Variants in TTLL11 observed in about 807,000 individuals in gnomAD.
The protein encoded by TTLL11 is tubulin polyglutamylase TTLL11.
A neutral mutation model predicts 51.7 loss-of-function variants in TTLL11; 42 were observed. The observed-to-expected ratio is 0.81, with a 90% CI of 0.64 to 1.05. TTLL11 has a LOEUF of 1.05. Ranked by LOEUF, TTLL11 falls within the 50% of genes least tolerant of loss-of-function variation. The pLI is 0.00. For synonymous variants in TTLL11, 381 were observed against 383.5 expected (o/e 0.99, Z 0.08); for missense variants, 799 against 940.4 (o/e 0.85, Z 1.97).
chr9:121,841,564 G>A (rs999610802), intron 8 of TTLL11, among the ~76,000 whole-genome samples: 2 of 152,176 alleles, frequency 1.3e-5, no homozygotes, highest in African/African-American at 4.8e-5. Flanking sequence ...TGGAACAGAC[G>A]AGGTGAGCTC....
intron 6 of TTLL11, among the ~76,000 whole-genome samples, chr9:121,875,640 T>C (rs534232083): frequency 9.8e-5 from 15 of 152,344 alleles, no homozygotes; most frequent in Admixed American, 5.2e-4. Context: ...AATGGTATCT[T>C]TGCTGGAGAT....
In TTLL11 at chr9:121,978,449, CTTTATTTA is replaced by C. The variant is rs143223546; in HGVS notation, c.1270-3478_1270-3471del. Among the ~76,000 whole-genome samples, 1,375 of 148,318 alleles carry C rather than the reference CTTTATTTA, an allele frequency of 9.3e-3. 7 individuals carry two copies. The highest frequency in any genetic ancestry group is 0.013 in the Non-Finnish European group (839 of 66,918). On this transcript the variant is annotated intron_variant, in intron 4 of 8. Coordinates refer to ENST00000321582, the MANE Select transcript of TTLL11 (RefSeq NM_001139442.2). ...TAAACTGGGGTTCCCAAGGAAAAAG[CTTTATTTA>C]TTTATTTATTTATTTATTTATTTAT...
intron 6 of TTLL11, among the ~76,000 whole-genome samples, chr9:121,967,474 C>T (rs1453279805): frequency 6.6e-6 from 1 of 152,070 alleles, no homozygotes; most frequent in African/African-American, 2.4e-5. Flanking sequence ...CCACCCGCTT[C>T]GGCCTCCCAA....
intron 4 of TTLL11, 113 bp from the exon 5 acceptor site, chr9:121,975,092 TTC>T (rs2131660774): frequency 1.4e-6 from 1 of 726,888 alleles, no homozygotes; most frequent in South Asian, 2.4e-5. Context: ...TGACCCTGGC[TTC>T]TCTTGTCCAC....
At chr9:121,840,499 G>A (rs1229054201) in intron 8 of TTLL11, among the ~76,000 whole-genome samples, 3 of 152,156 alleles carry the variant, frequency 2.0e-5, no homozygotes, top group East Asian at 1.9e-4. Flanking sequence ...AGGTTCAAGC[G>A]ATTCTCCTGC....
chr9:121,834,954 G>T (rs1837143558), intron 8 of TTLL11, among the ~76,000 whole-genome samples: 2 of 152,136 alleles, frequency 1.3e-5, no homozygotes, highest in African/African-American at 4.8e-5. Context: ...ACTGAAGTTG[G>T]CCAATTTCTT....
intron 8 of TTLL11, among the ~76,000 whole-genome samples, chr9:121,857,189 G>T (rs906938959): frequency 6.6e-6 from 1 of 152,218 alleles, no homozygotes; most frequent in Admixed American, 6.5e-5. Context: ...GGAGACAGGA[G>T]GTTGGACAGG....
intron 6 of TTLL11, among the ~76,000 whole-genome samples, chr9:121,883,408 T>C (rs1008366161): frequency 1.3e-5 from 2 of 152,214 alleles, no homozygotes; most frequent in African/African-American, 4.8e-5. Flanking sequence ...CATATATTTA[T>C]TGAGTACTAA....
At chr9:121,855,798 G>A (rs1202798887) in intron 8 of TTLL11, among the ~76,000 whole-genome samples, 1 of 152,182 alleles carries the variant, frequency 6.6e-6, no homozygotes, top group African/African-American at 2.4e-5. Context: ...GAGATGCTTT[G>A]CATGTTCCAG....
At chr9:122,072,204 T>A (rs1845748400) in intron 1 of TTLL11, among the ~76,000 whole-genome samples, 1 of 152,020 alleles carries the variant, frequency 6.6e-6, no homozygotes, top group African/African-American at 2.4e-5. Context: ...CAAAACCCAG[T>A]CTCTAAAAGT....
intron 2 of TTLL11, among the ~76,000 whole-genome samples, chr9:122,035,441 C>T (rs1844676282): frequency 6.6e-6 from 1 of 152,180 alleles, no homozygotes. Flanking sequence ...TGGGTCTCAC[C>T]CCATTCAAGT....
intron 4 of TTLL11, among the ~76,000 whole-genome samples, chr9:121,984,431 T>C (rs1251169967): frequency 2.6e-5 from 4 of 152,302 alleles, no homozygotes; most frequent in Admixed American, 1.3e-4. Context: ...TATTTGTGCT[T>C]ACAATAATTC....
rs1026696662 is a variant in TTLL11, at chr9:121,816,847, C to T, written c.*5740G>A. ...TGCAGAGCTCCTTCATCTCCAGGAA[C>T]AGAAAAAAATTTAGACTTATTTTGT... On this transcript the variant is annotated 3_prime_UTR_variant, in exon 9 of 9. Coordinates refer to ENST00000321582, the MANE Select transcript of TTLL11 (RefSeq NM_001139442.2). The T allele has an allele frequency of 6.6e-6, 1 of 152,074 alleles. No homozygotes were observed. Among genetic ancestry groups the T allele is most frequent in the Non-Finnish European group, 1.5e-5 (1 of 67,994 alleles). 9.4% of individuals were successfully genotyped at this position (152,074 alleles called of 1,614,324 possible).
At chr9:121,952,055 G>A (rs1841867414) in intron 6 of TTLL11, among the ~76,000 whole-genome samples, 1 of 152,140 alleles carries the variant, frequency 6.6e-6, no homozygotes, top group South Asian at 2.1e-4. Flanking sequence ...TATCAGCAAG[G>A]TGGTTATGAC....
At chr9:122,070,389 G>C (rs1188636014) in intron 1 of TTLL11, among the ~76,000 whole-genome samples, 1 of 152,096 alleles carries the variant, frequency 6.6e-6, no homozygotes, top group Non-Finnish European at 1.5e-5. Flanking sequence ...GGTGAGGCTG[G>C]CTAGGGAGGG....
intron 6 of TTLL11, among the ~76,000 whole-genome samples, chr9:121,882,390 T>G (rs1195958554): frequency 2.0e-5 from 3 of 152,162 alleles, no homozygotes; most frequent in Non-Finnish European, 4.4e-5. Flanking sequence ...ACTGCCCACA[T>G]ACTGTTCTCT....
chr9:122,028,470 T>C (rs1424271878), intron 3 of TTLL11, among the ~76,000 whole-genome samples: 1 of 152,162 alleles, frequency 6.6e-6, no homozygotes, highest in Non-Finnish European at 1.5e-5. Context: ...AAAATAGACT[T>C]CAGGACAAGT....
rs183859894 is a variant in TTLL11 at position 121,823,319 on chromosome 9, G to A, written c.1841-440C>T. 7.5e-4 allele frequency among the ~76,000 whole-genome samples: 114 copies of A among 152,336 alleles called. No individual in the cohort carries two copies. In the South Asian group the frequency reaches 0.012, roughly 16 times the overall value. ...CCAGCACTTTGGGAGGCCGAGGTGC[G>A]TGGATCACTTGAGGTCAGTAGTTCG... is the stretch of plus-strand genomic sequence containing the variant. On this transcript the variant is annotated intron_variant, in intron 8 of 8. Transcript: ENST00000321582.
intron 1 of TTLL11, among the ~76,000 whole-genome samples, chr9:122,092,070 G>A (rs1846272412): frequency 6.6e-6 from 1 of 152,226 alleles, no homozygotes; most frequent in Non-Finnish European, 1.5e-5. Flanking sequence ...GGTAACGTAA[G>A]TTACCATTTA....
Sources: gnomAD v4.1 joint callset for allele counts (sites outside exome capture counted in the v4.1 genomes callset) on GRCh38, gnomAD v4.1.1 for gene constraint, MANE v1.5 for transcripts, NCBI Gene and HGNC (gene_info 2026-07-23, HGNC 2026-07-21) for gene names.